FOXP1: variants seen among roughly 807,000 people sequenced by gnomAD.
FOXP1 encodes the protein forkhead box P1, also known as forkhead box protein P1.
In FOXP1, 15 loss-of-function variants were observed where a neutral mutation model predicts 98.2. The observed-to-expected ratio is 0.15, with a 90% CI of 0.10 to 0.24. The LOEUF is 0.24. Among genes scored for constraint, FOXP1 ranks in the 10% least tolerant of loss-of-function variants. The pLI, the probability that FOXP1 is intolerant of heterozygous loss-of-function variation, is 1.00. For missense variants in FOXP1, 633 were observed against 848.5 expected (o/e 0.75, Z 3.15); for synonymous variants, 371 against 314.5 (o/e 1.18, Z -1.90).
chr3:71,031,694 C>A (rs1173922545), intron 11 of FOXP1, among the ~76,000 whole-genome samples: 1 of 152,010 alleles, frequency 6.6e-6, no homozygotes, highest in Non-Finnish European at 1.5e-5. Flanking sequence ...CCAAACTGGA[C>A]AACCAAAATA....
chr3:71,198,136 G>C (rs1371520274), intron 6 of FOXP1, 66 bp downstream of exon 6: 5 of 1,613,346 alleles, frequency 3.1e-6, no homozygotes, highest in Admixed American at 3.3e-5. Context: ...TCGCGATTAA[G>C]TGTAAAATTC....
intron 5 of FOXP1, among the ~76,000 whole-genome samples, chr3:71,256,597 T>C (rs2068646398): frequency 6.6e-6 from 1 of 152,164 alleles, no homozygotes; most frequent in Admixed American, 6.5e-5. Flanking sequence ...TTGGCCAGGA[T>C]GGTCTCAACC....
At chr3:71,578,545 G>C (rs948580886) in intron 2 of FOXP1, among the ~76,000 whole-genome samples, 5 of 152,168 alleles carry the variant, frequency 3.3e-5, no homozygotes, top group East Asian at 1.9e-4. Context: ...TCAAAACTGA[G>C]TTTGAGTCAT....
chr3:71,303,391 C>T (rs1300689261), intron 4 of FOXP1, among the ~76,000 whole-genome samples: 1 of 152,104 alleles, frequency 6.6e-6, no homozygotes, highest in Non-Finnish European at 1.5e-5. Context: ...GGCTAGAGGA[C>T]ACTTTCTTAC....
intron 1 of FOXP1, chr3:71,582,457 G>C (rs1452252311): frequency 1.0e-6 from 1 of 985,272 alleles, no homozygotes; most frequent in Non-Finnish European, 1.2e-6. Flanking sequence ...GGCGGGACAG[G>C]AATAGAGCGC....
chr3:70,967,186 A>G (rs927861488), intron 19 of FOXP1, among the ~76,000 whole-genome samples: 2 of 152,234 alleles, frequency 1.3e-5, no homozygotes, highest in Admixed American at 6.5e-5. Context: ...CCAGTCATAC[A>G]AGAGTCCGAA....
At position 71,012,015 on chromosome 3, in the gene FOXP1, T is replaced by C. The variant is rs188577294; in HGVS notation, c.974+3534A>G. Among the ~76,000 whole-genome samples, 120 of 152,260 alleles carry C rather than the reference T, an allele frequency of 7.9e-4. 1 individual carries two copies. The highest frequency in any genetic ancestry group is 2.9e-4 in the Non-Finnish European group (20 of 68,024). On this transcript the variant is annotated intron_variant, in intron 12 of 20. Transcript: ENST00000649528. ...CTCACATAACAAATGAACCTATGAT[T>C]TGAGGATTTTTTACGGTAGGCATAA...
At chr3:71,122,620 C>T (rs1416114964) in intron 6 of FOXP1, among the ~76,000 whole-genome samples, 2 of 152,168 alleles carry the variant, frequency 1.3e-5, no homozygotes, top group Non-Finnish European at 2.9e-5. Context: ...ATGAACCAGA[C>T]ACTGTGCTAG....
chr3:71,270,255 A>G (rs1209762339), intron 5 of FOXP1, among the ~76,000 whole-genome samples: 2 of 152,260 alleles, frequency 1.3e-5, no homozygotes, highest in Non-Finnish European at 2.9e-5. Flanking sequence ...ATGGAAACAC[A>G]GCAAGCAATA....
intron 1 of FOXP1, chr3:71,582,740 A>G (rs958339050): frequency 1.7e-5 from 17 of 984,962 alleles, no homozygotes; most frequent in Non-Finnish European, 2.0e-5. Context: ...GTCTCGGGAA[A>G]GCGGAGGCCG....
intron 5 of FOXP1, among the ~76,000 whole-genome samples, chr3:71,287,376 G>C (rs887855356): frequency 6.6e-6 from 1 of 152,094 alleles, no homozygotes; most frequent in African/African-American, 2.4e-5. Flanking sequence ...TGAGGCTGAG[G>C]GGAGAGGATC....
chr3:71,493,109 T>A (rs1237587889), intron 3 of FOXP1, among the ~76,000 whole-genome samples: 1 of 76,798 alleles, frequency 1.3e-5, no homozygotes, highest in Non-Finnish European at 4.5e-5. Flanking sequence ...GCTCATGTTA[T>A]CACCAAGTTG....
At chr3:71,361,442 A>G (rs1251263419) in intron 3 of FOXP1, among the ~76,000 whole-genome samples, 2 of 152,192 alleles carry the variant, frequency 1.3e-5, no homozygotes, top group African/African-American at 4.8e-5. Flanking sequence ...ATGCAATTGG[A>G]AAACTTTTCT....
intron 7 of FOXP1, among the ~76,000 whole-genome samples, chr3:71,060,012 A>G (rs1421326326): frequency 1.3e-5 from 2 of 152,184 alleles, no homozygotes; most frequent in Non-Finnish European, 1.5e-5. Flanking sequence ...CATAATGTCT[A>G]TCTTCTGTCT....
At chr3:71,342,391 C>T (rs916304451) in intron 4 of FOXP1, among the ~76,000 whole-genome samples, 7 of 152,028 alleles carry the variant, frequency 4.6e-5, no homozygotes, top group African/African-American at 1.2e-4. Flanking sequence ...GCAAACAGGC[C>T]GCACATAGTG....
chr3:71,448,616 C>T (rs888498519), intron 3 of FOXP1, among the ~76,000 whole-genome samples: 5 of 151,946 alleles, frequency 3.3e-5, no homozygotes, highest in Non-Finnish European at 5.9e-5. Context: ...TAATGGTACC[C>T]GCAAAAAGGA....
At chr3:71,335,678 A>G (rs1054809136) in intron 4 of FOXP1, among the ~76,000 whole-genome samples, 1 of 152,166 alleles carries the variant, frequency 6.6e-6, no homozygotes, top group Non-Finnish European at 1.5e-5. Flanking sequence ...ATGGGTTTCT[A>G]GATAAATGGT....
intron 6 of FOXP1, among the ~76,000 whole-genome samples, chr3:71,180,863 G>A (rs182974723): frequency 4.7e-4 from 72 of 152,266 alleles, no homozygotes; most frequent in South Asian, 3.9e-3. Flanking sequence ...TTAACTCTGC[G>A]TCTAAATTTA....
chr3:70,968,277 T>G (rs945474544), intron 19 of FOXP1: 1 of 151,966 alleles, frequency 6.6e-6, no homozygotes, highest in Non-Finnish European at 1.5e-5. Context: ...GAGAGCTTCT[T>G]GAACACGCTC....
Sources: allele counts gnomAD v4.1 joint callset (sites outside exome capture counted in the v4.1 genomes callset), GRCh38; gene constraint gnomAD v4.1.1; transcripts MANE v1.5; gene names NCBI Gene and HGNC (gene_info 2026-07-23, HGNC 2026-07-21).